The following AP2A1 variants were observed in gnomAD, a reference collection of about 807,000 sequenced individuals.
AP2A1 encodes the protein AP-2 complex subunit alpha-1.
A neutral mutation model predicts 107.3 loss-of-function variants in AP2A1; 21 were observed. The observed-to-expected ratio is 0.20, with a 90% CI of 0.14 to 0.28. The LOEUF is 0.28. Among genes scored for constraint, AP2A1 ranks in the 10% least tolerant of loss-of-function variants. AP2A1 has a pLI of 1.00. For missense variants in AP2A1, 873 were observed against 1,307.7 expected (o/e 0.67, Z 5.13); for synonymous variants, 602 against 564.8 (o/e 1.07, Z -0.93).
intron 1 of AP2A1, among the ~76,000 whole-genome samples, chr19:49,778,723 C>T (rs565276156): frequency 2.7e-4 from 41 of 152,106 alleles, no homozygotes; most frequent in African/African-American, 4.1e-4. Context: ...GCAGTGTGTG[C>T]GGTTTGTTGC....
At chr19:49,777,392 T>A (rs551617439) in intron 1 of AP2A1, among the ~76,000 whole-genome samples, 1 of 152,178 alleles carries the variant, frequency 6.6e-6, no homozygotes, top group South Asian at 2.1e-4. Context: ...TCATAGCACT[T>A]TGGGAGGCTG....
At chr19:49,802,366 G>T in intron 15 of AP2A1, 1 of 885,898 alleles carries the variant, frequency 1.1e-6, no homozygotes, top group East Asian at 2.6e-5. Flanking sequence ...ACCCTTCGTT[G>T]TCTCCTTTCC....
At chr19:49,793,397 G>C (rs1430285519) in intron 6 of AP2A1, among the ~76,000 whole-genome samples, 1 of 152,160 alleles carries the variant, frequency 6.6e-6, no homozygotes, top group Non-Finnish European at 1.5e-5. Context: ...CACCCCGGGA[G>C]CCAGCCGCCC....
rs775953622 is a variant in AP2A1, at chr19:49,799,690, G to A, written c.1196G>A (p.Arg399Gln). The change falls in exon 10 of 23, where the codon CGG (arginine) becomes CAG (glutamine). Residue 399 changes from arginine (R) to glutamine (Q), a missense_variant. Arg to Gln is a conservative substitution (Grantham distance 43). Transcript: ENST00000354293. Reference protein sequence around the residue: ...AADLLYAMCDRSNAKQIVSEM... With the variant: ...AADLLYAMCDQSNAKQIVSEM... ...GACCTCCTCTACGCCATGTGTGACC[G>A]GAGCAATGCCAAGCAGATCGTGTCG... 4 of 1,613,168 alleles carry A rather than the reference G, an allele frequency of 2.5e-6. No individual in the cohort carries two copies. Among genetic ancestry groups the A allele is most frequent in the South Asian group, 1.1e-5 (1 of 91,092 alleles).
At chr19:49,802,337 G>C in intron 15 of AP2A1, 196 bp downstream of exon 15, 1 of 826,092 alleles carries the variant, frequency 1.2e-6, no homozygotes, top group South Asian at 1.4e-5. Context: ...TGCCACTCTG[G>C]ACTCCGCCGA....
chr19:49,769,544 T>G (rs1472819425), intron 1 of AP2A1, among the ~76,000 whole-genome samples: 1 of 151,800 alleles, frequency 6.6e-6, no homozygotes, highest in South Asian at 2.1e-4. Flanking sequence ...ATGCTTGACA[T>G]GTGTTCGAGC....
In AP2A1 at chr19:49,798,959, G is replaced by C; in HGVS notation, c.965+7G>C. The C allele has an allele frequency of 6.4e-7, 1 of 1,551,912 alleles. No homozygotes were observed. Among genetic ancestry groups the C allele is most frequent in the Non-Finnish European group, 8.7e-7 (1 of 1,147,066 alleles). ...TCATCATCCACTATGACAGGTGCCC[G>C]CCTGGGCCTATCAGGGCCTGATGCC... On this transcript the variant is annotated splice_region_variant and intron_variant, in intron 8 of 22. Coordinates refer to ENST00000354293, the MANE Select transcript of AP2A1 (RefSeq NM_130787.3).
At chr19:49,791,819 T>G (rs1471282956) in intron 4 of AP2A1, 116 bp from the exon 5 acceptor site, 3 of 1,371,226 alleles carry the variant, frequency 2.2e-6, no homozygotes, top group South Asian at 1.4e-5. Flanking sequence ...CGCCTGGCTG[T>G]CTGTCCCTCT....
chr19:49,802,167 T>G, intron 15 of AP2A1, 26 bp downstream of exon 15: 1 of 1,515,354 alleles, frequency 6.6e-7, no homozygotes, highest in Non-Finnish European at 8.8e-7. Flanking sequence ...CCCGGGCCCC[T>G]TCTCGCGGCC....
rs1320357717 is a variant in AP2A1 at position 49,785,404 on chromosome 19, G to T, written c.473+2680G>T. ...TGTGCTAGGATGAGGTGGGGACATT[G>T]AACAGGTGAGTGAATGATGGCAGAC... is the stretch of plus-strand genomic sequence containing the variant. On this transcript the variant is annotated intron_variant, in intron 4 of 22. Transcript: ENST00000354293. This position sits in a 1 kb window ranked among gnomAD's most constrained non-coding sequence, Gnocchi z 4.1. 2.0e-5 allele frequency among the ~76,000 whole-genome samples: 3 copies of T among 152,138 alleles called. No individual in the cohort carries two copies. Among genetic ancestry groups the T allele is most frequent in the Non-Finnish European group, 4.4e-5 (3 of 68,026 alleles).
In AP2A1 at chr19:49,787,964, C is replaced by T. The variant is rs148643408; in HGVS notation, c.474-3971C>T. Reference sequence around the variant, plus strand: ...TTGTGGTGCATATCCGTGATTTGCTCGAGATAGAGTCTCACTCTGCTGCCC... The same window carrying T: ...TTGTGGTGCATATCCGTGATTTGCTTGAGATAGAGTCTCACTCTGCTGCCC... On this transcript the variant is annotated intron_variant, in intron 4 of 22. Transcript: ENST00000354293. Among the ~76,000 whole-genome samples, 421 of 151,982 alleles carry T rather than the reference C, an allele frequency of 2.8e-3. 2 individuals are homozygous for T. The highest frequency in any genetic ancestry group is 9.9e-3 in the African/African-American group (411 of 41,448).
At chr19:49,799,058 A>T in intron 8 of AP2A1, 106 bp downstream of exon 8, 1 of 1,434,082 alleles carries the variant, frequency 7.0e-7, no homozygotes, top group Non-Finnish European at 9.4e-7. Flanking sequence ...CTTGACTTTT[A>T]GGTAGGGTAG....
chr19:49,791,726 G>A (rs2073144462), intron 4 of AP2A1: 3 of 573,352 alleles, frequency 5.2e-6, no homozygotes, highest in East Asian at 3.0e-5. Context: ...GCCCTGTGAG[G>A]TTACTGAGAT....
chr19:49,799,734 G>C lies in AP2A1; in HGVS notation c.1240G>C (p.Glu414Gln). ...QIVSEMLRYL[E>Q]TADYAIREEI... ...CGTGTCGGAGATGCTGCGGTACCTG[G>C]AGACGGCAGACTACGCCATCCGCGA... is the stretch of plus-strand genomic sequence containing the variant. Residue 414 changes from glutamate to glutamine, a missense_variant, in exon 10 of 23, where the codon GAG becomes CAG. Glu to Gln is a conservative substitution (Grantham distance 29, BLOSUM62 2). Transcript: ENST00000354293. 6.2e-7 allele frequency: 1 copy of C among 1,613,558 alleles called. No individual in the cohort carries two copies. Among genetic ancestry groups the C allele is most frequent in the Non-Finnish European group, 8.5e-7 (1 of 1,179,890 alleles).
At chr19:49,801,690 C>T (rs1365865951) in intron 13 of AP2A1, 32 bp from the exon 14 acceptor site, 1 of 1,535,332 alleles carries the variant, frequency 6.5e-7, no homozygotes, top group Non-Finnish European at 8.8e-7. Context: ...CCTCCTGACC[C>T]GAACTGACCT....
rs1438210362 is a variant in AP2A1 at position 49,767,061 on chromosome 19, C to T, written c.-73C>T. 2.0e-6 allele frequency: 3 copies of T among 1,504,870 alleles called. No homozygotes were observed. The highest frequency in any genetic ancestry group is 2.7e-6 in the Non-Finnish European group (3 of 1,124,490). The allele number at this position is 1,504,870 out of a possible 1,614,324, so 93.2% of individuals were successfully genotyped here. A position where few individuals can be genotyped will look rare whatever the true frequency, so the allele number is the denominator to read the frequency against. On this transcript the variant is annotated 5_prime_UTR_variant, in exon 1 of 23. Transcript: ENST00000354293. ...TGGCGCTGCCTGGGGTCCTTTCCGC[C>T]CGGTCCCCGCTTGCCAGCCCCCGCT...
rs1474258626 is a variant in AP2A1, at chr19:49,782,164, TG to T, written c.279+77del. On this transcript the variant is annotated intron_variant, in intron 3 of 22. Coordinates refer to ENST00000354293, the MANE Select transcript of AP2A1 (RefSeq NM_130787.3). ...GGAGGGGGCTGGAGGTCTGGACTCC[TG>T]GATCTGGGGGAGGAGGGGGTCTAGG... 159 of 327,466 alleles carry T rather than the reference TG, an allele frequency of 4.9e-4. 2 individuals are homozygous for T. Among genetic ancestry groups the T allele is most frequent in the Admixed American group, 2.4e-4 (2 of 8,184 alleles). The allele number at this position is 327,466 out of a possible 1,614,324, so 20.3% of individuals were successfully genotyped here.
At position 49,806,911 on chromosome 19, in the gene AP2A1, T is replaced by G. The variant is rs2073407282; in HGVS notation, c.*153T>G. ...TTCCTCCGGCCTTTTGTATTTTTAT[T>G]TTTGTTCATCTGCTGCTGTTTACAT... On this transcript the variant is annotated 3_prime_UTR_variant, in exon 23 of 23. Transcript: ENST00000354293. 3 of 1,536,990 alleles carry G rather than the reference T, an allele frequency of 2.0e-6. No homozygotes were observed. The highest frequency in any genetic ancestry group is 2.7e-5 in the African/African-American group (2 of 73,040).
intron 4 of AP2A1, among the ~76,000 whole-genome samples, chr19:49,784,356 C>T (rs913771124): frequency 7.3e-5 from 11 of 151,666 alleles, no homozygotes; most frequent in African/African-American, 1.5e-4. Context: ...CACTTGAACC[C>T]GGGAGGCAGA....
Sources: allele counts gnomAD v4.1 joint callset (sites outside exome capture counted in the v4.1 genomes callset), GRCh38; gene constraint gnomAD v4.1.1; non-coding constraint Gnocchi (gnomAD v3.1); transcripts MANE v1.5; gene names NCBI Gene and HGNC (gene_info 2026-07-23, HGNC 2026-07-21).